The following HEXB variants were observed in gnomAD, a reference collection of about 807,000 sequenced individuals.
The protein encoded by HEXB is hexosaminidase subunit beta, also known as beta-hexosaminidase subunit beta.
HEXB carries 51 observed loss-of-function variants against 71.2 expected under a neutral mutation model. The observed-to-expected ratio is 0.72, with a 90% CI of 0.57 to 0.90. The LOEUF (loss-of-function observed/expected upper bound fraction) is 0.90. Among genes scored for constraint, HEXB ranks in the 40% least tolerant of loss-of-function variants. HEXB has a pLI of 0.00. For synonymous variants in HEXB, 266 were observed against 249.3 expected (o/e 1.07, Z -0.63); for missense variants, 617 against 677.0 (o/e 0.91, Z 0.98).
intron 6 of HEXB, among the ~76,000 whole-genome samples, chr5:74,710,295 A>G (rs1156268473): frequency 6.6e-6 from 1 of 151,548 alleles, no homozygotes; most frequent in African/African-American, 2.4e-5. Context: ...TCTCAAAATA[A>G]TAAGAGCTAT....
At chr5:74,705,746 A>G in intron 6 of HEXB, 1 of 242,768 alleles carries the variant, frequency 4.1e-6, no homozygotes, top group Non-Finnish European at 8.1e-6. Context: ...GTTTTCTTAG[A>G]AAATAATGGT....
At chr5:74,667,424 A>C (rs184306697) in intron 1 of HEXB, among the ~76,000 whole-genome samples, 1 of 152,254 alleles carries the variant, frequency 6.6e-6, no homozygotes, top group African/African-American at 2.4e-5. Context: ...TCTCAAAAAA[A>C]AAAATTACCA....
At chr5:74,672,583 T>A (rs1297249257) in intron 1 of HEXB, among the ~76,000 whole-genome samples, 2 of 151,974 alleles carry the variant, frequency 1.3e-5, no homozygotes, top group Admixed American at 6.6e-5. Context: ...GAAGACAAAC[T>A]CCCCACCTCT....
chr5:74,702,809 C>G (rs1298403128), intron 5 of HEXB, among the ~76,000 whole-genome samples: 1 of 152,216 alleles, frequency 6.6e-6, no homozygotes, highest in Non-Finnish European at 1.5e-5. Context: ...CTAATTCCAT[C>G]ACTCCTTCTA....
At chr5:74,707,443 A>G (rs964852103) in intron 6 of HEXB, among the ~76,000 whole-genome samples, 1 of 152,234 alleles carries the variant, frequency 6.6e-6, no homozygotes. Flanking sequence ...CTGGACGGAG[A>G]ATGACTTTGA....
chr5:74,674,981 T>C (rs1418616939), intron 1 of HEXB, among the ~76,000 whole-genome samples: 1 of 152,112 alleles, frequency 6.6e-6, no homozygotes, highest in Non-Finnish European at 1.5e-5. Context: ...AAATAAGTTG[T>C]GGTAAAGAAA....
chr5:74,656,214 G>A (rs1748214624), intron 1 of HEXB, among the ~76,000 whole-genome samples: 1 of 152,114 alleles, frequency 6.6e-6, no homozygotes, highest in Non-Finnish European at 1.5e-5. Context: ...CCAGCACTTG[G>A]GGAGGCCTAG....
intron 13 of HEXB, 57 bp downstream of exon 13, chr5:74,720,804 C>CTT: frequency 3.0e-6 from 4 of 1,344,902 alleles, no homozygotes; most frequent in Non-Finnish European, 4.3e-6. Flanking sequence ...GTGTTAGTTT[C>CTT]TTTTGCTATA....
chr5:74,675,237 G>A (rs1361825374), intron 1 of HEXB, among the ~76,000 whole-genome samples: 1 of 152,148 alleles, frequency 6.6e-6, no homozygotes, highest in Non-Finnish European at 1.5e-5. Flanking sequence ...ATCAAGGATG[G>A]GGATGAGAAA....
intron 1 of HEXB, among the ~76,000 whole-genome samples, chr5:74,663,808 G>A (rs1370482039): frequency 6.6e-6 from 1 of 152,130 alleles, no homozygotes; most frequent in African/African-American, 2.4e-5. Context: ...CACTCTCAAC[G>A]TTTAAAAGAT....
At chr5:74,711,072 G>GGTACCA (rs1749528716) in intron 6 of HEXB, among the ~76,000 whole-genome samples, 1 of 150,170 alleles carries the variant, frequency 6.7e-6, no homozygotes. Context: ...GCATGGTACT[G>GGTACCA]GTACCAAAAC....
chr5:74,676,748 A>C (rs565573862), intron 1 of HEXB, among the ~76,000 whole-genome samples: 44 of 152,286 alleles, frequency 2.9e-4, no homozygotes, highest in Middle Eastern at 3.4e-3. Flanking sequence ...CCTTCATGAC[A>C]GATGAGATTC....
chr5:74,643,372 C>A (rs1429756333), intron 1 of HEXB, among the ~76,000 whole-genome samples: 1 of 152,194 alleles, frequency 6.6e-6, no homozygotes, highest in Non-Finnish European at 1.5e-5. Context: ...AACTTCTAAA[C>A]AGGGCTGTCA....
intron 6 of HEXB, chr5:74,706,309 G>C (rs935350886): frequency 2.6e-5 from 4 of 152,464 alleles, no homozygotes; most frequent in Non-Finnish European, 5.9e-5. Context: ...CATTTCGGGG[G>C]GAGGAGCCAA....
At chr5:74,683,545 C>T (rs1004095917), upstream of HEXB, among the ~76,000 whole-genome samples, 1 of 152,036 alleles carries the variant, frequency 6.6e-6, no homozygotes, top group Non-Finnish European at 1.5e-5. Context: ...CTTAAGTGAT[C>T]CACCTGCCTT....
At chr5:74,646,707 A>G (rs1346553915) in intron 1 of HEXB, among the ~76,000 whole-genome samples, 1 of 151,648 alleles carries the variant, frequency 6.6e-6, no homozygotes, top group Non-Finnish European at 1.5e-5. Context: ...AGCTGGGATT[A>G]CAGGCGTCTG....
chr5:74,720,919 TTA>T lies in HEXB; in HGVS notation c.1613+175_1613+176del, dbSNP rs1362737406. On this transcript the variant is annotated intron_variant, in intron 13 of 13. Transcript: ENST00000261416. ...AGATATATTCAGACTTGTGACTGTT[TTA>T]TAGATACAAAAAATGTTGGTGTAAC... is the stretch of plus-strand genomic sequence containing the variant. The T allele has an allele frequency of 1.6e-5, 12 of 767,276 alleles. No individual in the cohort carries two copies. In the African/African-American group the frequency reaches 1.9e-4, roughly 12 times the overall value. The allele number at this position is 767,276 out of a possible 1,614,324, so 47.5% of individuals were successfully genotyped here.
At chr5:74,707,550 A>C (rs564213548) in intron 6 of HEXB, among the ~76,000 whole-genome samples, 33 of 152,346 alleles carry the variant, frequency 2.2e-4, no homozygotes, top group African/African-American at 7.9e-4. Flanking sequence ...AAAAAAATTT[A>C]GACGAATGTA....
At chr5:74,685,622 G>A (rs577061411) in intron 1 of HEXB, 63 bp downstream of exon 1, 2 of 1,442,174 alleles carry the variant, frequency 1.4e-6, no homozygotes, top group Admixed American at 2.3e-5. Flanking sequence ...CCACCCCGGA[G>A]CGCTGTGCAG....
Sources: gnomAD v4.1 joint callset for allele counts (sites outside exome capture counted in the v4.1 genomes callset) on GRCh38, gnomAD v4.1.1 for gene constraint, MANE v1.5 for transcripts, NCBI Gene and HGNC (gene_info 2026-07-23, HGNC 2026-07-21) for gene names.